The following TRPM6 variants were observed in gnomAD, a reference collection of about 807,000 sequenced individuals.
The protein encoded by TRPM6 is transient receptor potential cation channel subfamily M member 6.
A neutral mutation model predicts 247.6 loss-of-function variants in TRPM6; 111 were observed. That is an observed-to-expected ratio of 0.45 (90% CI 0.38 to 0.52). The LOEUF (loss-of-function observed/expected upper bound fraction) is 0.52, where lower values mean the gene tolerates loss of function less well. Ranked by LOEUF, TRPM6 falls within the 20% of genes least tolerant of loss-of-function variation. TRPM6 has a pLI of 0.00. For synonymous variants in TRPM6, 892 were observed against 853.8 expected, an observed-to-expected ratio of 1.04 and a Z score of -0.78; for missense variants, 2,126 against 2,421.5, an observed-to-expected ratio of 0.88 and a Z score of 2.56.
chr9:74,879,265 CCAGT>C (rs746391565), intron 1 of TRPM6, among the ~76,000 whole-genome samples: 43 of 150,812 alleles, frequency 2.9e-4, no homozygotes, highest in Non-Finnish European at 4.3e-4. Flanking sequence ...ATGAAATAAC[CCAGT>C]CAATGTGGTG....
chr9:74,855,687 A>C lies in TRPM6; in HGVS notation c.114-122T>G, dbSNP rs1038449792. ...GAAATCAAGGTTTGCTGAAATTCAT[A>C]TATCATGTTCCAAATATTCCATTAT... On this transcript the variant is annotated intron_variant, in intron 2 of 38. Coordinates refer to ENST00000360774, the MANE Select transcript of TRPM6 (RefSeq NM_017662.5). The C allele has an allele frequency of 9.4e-6, 7 of 744,448 alleles. No individual in the cohort carries two copies. In the African/African-American group the frequency reaches 1.2e-4, roughly 13 times the overall value. 46.1% of individuals were successfully genotyped at this position (744,448 alleles called of 1,614,324 possible).
At chr9:74,811,655 A>T (rs1828734210) in intron 12 of TRPM6, among the ~76,000 whole-genome samples, 2 of 152,224 alleles carry the variant, frequency 1.3e-5, no homozygotes, top group African/African-American at 4.8e-5. Flanking sequence ...ACTAGGATAA[A>T]ATAGAATTGG....
intron 21 of TRPM6, among the ~76,000 whole-genome samples, chr9:74,783,188 A>G (rs199725889): frequency 3.3e-3 from 151 of 46,442 alleles, no homozygotes; most frequent in Non-Finnish European, 4.5e-3. Context: ...TTAGGAAAAT[A>G]AAAAAAAAAA....
chr9:74,865,030 G>A (rs1830803239), intron 1 of TRPM6, among the ~76,000 whole-genome samples: 1 of 150,010 alleles, frequency 6.7e-6, no homozygotes, highest in Admixed American at 6.7e-5. Context: ...CTGAGATCGT[G>A]CCACTGCACT....
intron 1 of TRPM6, among the ~76,000 whole-genome samples, chr9:74,864,025 G>A (rs183774260): frequency 2.6e-5 from 4 of 151,894 alleles, no homozygotes; most frequent in Admixed American, 6.6e-5. Context: ...TACTTCTTCA[G>A]TGGAACTGAT....
chr9:74,750,648 A>G lies in TRPM6; in HGVS notation c.5057+16T>C, dbSNP rs376154755. ...AAGCCAAAGATTCTTAAACATAAAC[A>G]TTTAGAAATACTCACAGGGAGTTCC... is the stretch of plus-strand genomic sequence containing the variant. On this transcript the variant is annotated intron_variant, in intron 30 of 38. Coordinates refer to ENST00000360774, the MANE Select transcript of TRPM6 (RefSeq NM_017662.5). The G allele has an allele frequency of 3.6e-5, 58 of 1,612,122 alleles. No individual in the cohort carries two copies. Among genetic ancestry groups the G allele is most frequent in the Middle Eastern group, 1.6e-4 (1 of 6,078 alleles).
intron 36 of TRPM6, chr9:74,737,595 GTCTGCA>G: frequency 2.3e-6 from 1 of 434,110 alleles, no homozygotes; most frequent in Admixed American, 3.4e-5. Context: ...AACAGCTTAA[GTCTGCA>G]TCCTGGCTCC....
intron 9 of TRPM6, 65 bp from the exon 10 acceptor site, chr9:74,817,029 T>C: frequency 7.4e-7 from 1 of 1,352,344 alleles, no homozygotes; most frequent in South Asian, 1.2e-5. Context: ...TTTCAAAGAG[T>C]ACCCACAGAA....
At chr9:74,752,253 T>A in intron 29 of TRPM6, 24 bp downstream of exon 29, 1 of 1,414,328 alleles carries the variant, frequency 7.1e-7, no homozygotes. Context: ...ATGCTTTTTT[T>A]TTTAACTCCT....
chr9:74,822,974 G>A (rs1347437990), intron 7 of TRPM6, among the ~76,000 whole-genome samples: 1 of 152,006 alleles, frequency 6.6e-6, no homozygotes, highest in Non-Finnish European at 1.5e-5. Context: ...GAGAAGGGAA[G>A]GTTTAGGAAA....
intron 5 of TRPM6, among the ~76,000 whole-genome samples, chr9:74,839,012 A>G (rs1326133351): frequency 2.6e-5 from 4 of 151,110 alleles, no homozygotes; most frequent in Admixed American, 1.3e-4. Context: ...TGGGAGGCTG[A>G]GGCAGGAGAA....
At position 74,763,093 on chromosome 9, in the gene TRPM6, T is replaced by C; in HGVS notation, c.3578A>G (p.Lys1193Arg). 1 of 1,613,594 alleles carries C rather than the reference T, an allele frequency of 6.2e-7. No homozygotes were observed. ...TAAGGAGTCCTTTATAAAAGACACCTTTTCATTCATTTCTTTCAGCTGGAA... is the reference window on the plus strand; with the variant it reads ...TAAGGAGTCCTTTATAAAAGACACCCTTTCATTCATTTCTTTCAGCTGGAA... ...MYFQLKEMNE[K>R]VSFIKDSLLS... Residue 1193 changes from lysine to arginine, a missense_variant, in exon 26 of 39, where the codon AAG becomes AGG. By Grantham distance (26) the Lys-to-Arg change is conservative. Around this residue, in one of 3 missense-constraint regions of TRPM6, gnomAD observed 717 missense variants for 715.9 expected, o/e 1.00. Transcript: ENST00000360774.
At chr9:74,842,618 T>C (rs1247278114) in intron 3 of TRPM6, among the ~76,000 whole-genome samples, 2 of 152,220 alleles carry the variant, frequency 1.3e-5, no homozygotes, top group Admixed American at 1.3e-4. Context: ...TCCAGTCCAC[T>C]ACAATAAAGT....
At position 74,800,906 on chromosome 9, in the gene TRPM6, T is replaced by G. The variant is rs868750950; in HGVS notation, c.2010-424A>C. Among the ~76,000 whole-genome samples, 646 of 143,754 alleles carry G rather than the reference T, an allele frequency of 4.5e-3. 7 individuals carry two copies. Among genetic ancestry groups the G allele is most frequent in the South Asian group, 0.026 (119 of 4,652 alleles). 94.3% of individuals were successfully genotyped at this position (143,754 alleles called of 152,430 possible). ...CCTGATAAGACCTAATAAAGTGTGT[T>G]TTTTTTTTTTTTTTTGACAAAAAAA... On this transcript the variant is annotated intron_variant, in intron 16 of 38. Coordinates refer to ENST00000360774, the MANE Select transcript of TRPM6 (RefSeq NM_017662.5).
Position 74,746,856 on chromosome 9 carries a change from G to A in TRPM6, c.5083+1033C>T, listed in dbSNP as rs186470715. On this transcript the variant is annotated intron_variant, in intron 31 of 38. Coordinates refer to ENST00000360774, the MANE Select transcript of TRPM6 (RefSeq NM_017662.5). ...GGGTGGGGAGTGGCGGGGGAGGGAC[G>A]GAGTTAGAAGGCAAGGTTAATAGCT... is the stretch of plus-strand genomic sequence containing the variant. 7.7e-3 allele frequency among the ~76,000 whole-genome samples: 1,168 copies of A among 151,944 alleles called. 11 individuals are homozygous for A. Among genetic ancestry groups the A allele is most frequent in the African/African-American group, 0.027 (1,117 of 41,394 alleles).
Position 74,762,593 on chromosome 9 carries a change from T to A in TRPM6, c.4078A>T (p.Thr1360Ser). 1 of 1,614,128 alleles carries A rather than the reference T, an allele frequency of 6.2e-7. No homozygotes were observed. The highest frequency in any genetic ancestry group is 8.5e-7 in the Non-Finnish European group (1 of 1,180,018). ...GAGGGTCTGGACAGAGGCAAGACAG[T>A]TTCTGCTGAAAAAGGAACTCGCTTT... ...NLKRVPFSAE[T>S]VLPLSRPSVP... The change falls in exon 26 of 39, where the codon ACT (threonine) becomes TCT (serine). Residue 1360 changes from threonine (T) to serine (S), a missense_variant. This residue lies in a region of TRPM6 where 717 missense variants were observed against 715.9 expected (regional missense o/e 1.00). Transcript: ENST00000360774.
chr9:74,785,099 C>G (rs1473864175), intron 21 of TRPM6, among the ~76,000 whole-genome samples: 1 of 151,904 alleles, frequency 6.6e-6, no homozygotes, highest in Non-Finnish European at 1.5e-5. Context: ...AGAGCAAGAC[C>G]CTGTCTCACA....
intron 1 of TRPM6, among the ~76,000 whole-genome samples, chr9:74,864,366 C>A (rs1019361030): frequency 6.6e-6 from 1 of 152,170 alleles, no homozygotes; most frequent in Admixed American, 6.5e-5. Flanking sequence ...GCAAAGCCAG[C>A]CCATCCACTT....
At chr9:74,837,068 G>A (rs1400172816) in intron 5 of TRPM6, among the ~76,000 whole-genome samples, 1 of 152,132 alleles carries the variant, frequency 6.6e-6, no homozygotes, top group African/African-American at 2.4e-5. Context: ...TAAATTCAGG[G>A]TCCGTGTTAC....
Sources: gnomAD v4.1 joint callset for allele counts (sites outside exome capture counted in the v4.1 genomes callset) on GRCh38, gnomAD v4.1.1 for gene constraint, gnomAD v4.1.1 regional missense constraint, MANE v1.5 for transcripts, NCBI Gene and HGNC (gene_info 2026-07-23, HGNC 2026-07-21) for gene names.